TMEM132B: variants seen among roughly 807,000 people sequenced by gnomAD.
The protein encoded by TMEM132B is transmembrane protein 132B.
In TMEM132B, 18 loss-of-function variants were observed where a neutral mutation model predicts 90.8. That is an observed-to-expected ratio of 0.20 (90% CI 0.14 to 0.29). The LOEUF is 0.29. Ranked by LOEUF, TMEM132B falls within the 10% of genes least tolerant of loss-of-function variation. The pLI is 1.00. For missense variants in TMEM132B, 1,096 were observed against 1,326.8 expected (o/e 0.83, Z 2.70); for synonymous variants, 504 against 523.3 (o/e 0.96, Z 0.50).
At chr12:125,502,511 G>A (rs2136602567) in intron 3 of TMEM132B, among the ~76,000 whole-genome samples, 1 of 152,276 alleles carries the variant, frequency 6.6e-6, no homozygotes, top group Non-Finnish European at 1.5e-5. Context: ...GGACTGAAGG[G>A]AGATACAAAA....
At chr12:125,206,012 G>C (rs1873174991) in intron 1 of TMEM132B, among the ~76,000 whole-genome samples, 1 of 152,198 alleles carries the variant, frequency 6.6e-6, no homozygotes, top group Admixed American at 6.5e-5. Flanking sequence ...GTGGGGTGGG[G>C]AAGAAGGAGC....
intron 1 of TMEM132B, among the ~76,000 whole-genome samples, chr12:125,335,457 C>T (rs1175152017): frequency 6.6e-6 from 1 of 152,152 alleles, no homozygotes; most frequent in Non-Finnish European, 1.5e-5. Context: ...ACAGGCATCC[C>T]CCTGGCCACA....
intron 3 of TMEM132B, among the ~76,000 whole-genome samples, chr12:125,511,220 C>T (rs1031724664): frequency 4.6e-5 from 7 of 152,200 alleles, no homozygotes; most frequent in African/African-American, 1.2e-4. Flanking sequence ...TGTATTGCAG[C>T]ATTTCTCAGT....
At chr12:125,470,019 AT>A (rs10713451) in intron 3 of TMEM132B, among the ~76,000 whole-genome samples, 12,517 of 152,238 alleles carry the variant, frequency 0.082, 1,196 homozygotes, top group African/African-American at 0.23. Context: ...TCCAGTGACC[AT>A]TTTTGAAAGG....
chr12:125,594,808 G>C (rs1305461760), intron 5 of TMEM132B, among the ~76,000 whole-genome samples: 1 of 151,912 alleles, frequency 6.6e-6, no homozygotes, highest in Non-Finnish European at 1.5e-5. Flanking sequence ...CGTTATATTT[G>C]AAAATATGTT....
chr12:125,597,836 A>G (rs1885477774), intron 5 of TMEM132B, among the ~76,000 whole-genome samples: 1 of 152,134 alleles, frequency 6.6e-6, no homozygotes, highest in Non-Finnish European at 1.5e-5. Flanking sequence ...AAGTTTAGAG[A>G]GTTAGGTGTC....
At chr12:125,545,610 T>G (rs1884070550) in intron 4 of TMEM132B, among the ~76,000 whole-genome samples, 1 of 152,238 alleles carries the variant, frequency 6.6e-6, no homozygotes, top group African/African-American at 2.4e-5. Flanking sequence ...TGTGTCACTG[T>G]GTACAGTGTG....
At chr12:125,577,537 G>T (rs1434399482) in intron 4 of TMEM132B, among the ~76,000 whole-genome samples, 1 of 149,188 alleles carries the variant, frequency 6.7e-6, no homozygotes, top group Non-Finnish European at 1.5e-5. Context: ...TTATTTAATA[G>T]TAAATACCAA....
rs187215822 is a variant in TMEM132B at position 125,573,326 on chromosome 12, T to G, written c.1294-10525T>G. On this transcript the variant is annotated intron_variant, in intron 4 of 8. Coordinates refer to ENST00000682704, the MANE Select transcript of TMEM132B (RefSeq NM_001366854.1). ...GGTACTTCCCATCCCAGTTCATGAT[T>G]GCAGAGTTCACTCTAACTCCTTCTC... is the stretch of plus-strand genomic sequence containing the variant. Among the ~76,000 whole-genome samples, 483 of 152,320 alleles carry G rather than the reference T, an allele frequency of 3.2e-3. 2 individuals carry two copies. The highest frequency in any genetic ancestry group is 0.011 in the African/African-American group (447 of 41,568).
At chr12:125,278,678 C>T (rs1875073943) in intron 1 of TMEM132B, among the ~76,000 whole-genome samples, 1 of 151,950 alleles carries the variant, frequency 6.6e-6, no homozygotes, top group South Asian at 2.1e-4. Flanking sequence ...GCAAACTATG[C>T]CATTATTTTT....
intron 3 of TMEM132B, among the ~76,000 whole-genome samples, chr12:125,517,326 GATTTTTTTTTTTTTTTTTT>G (rs754072037): frequency 0.056 from 4,903 of 87,994 alleles, 606 homozygotes; most frequent in South Asian, 0.18. Context: ...ATGCCCTGCT[GATTTTTTTTTTTTTTTTTT>G]TTTTTTTTTT....
At chr12:125,244,154 G>A (rs1006962028) in intron 1 of TMEM132B, among the ~76,000 whole-genome samples, 4 of 152,132 alleles carry the variant, frequency 2.6e-5, no homozygotes, top group Admixed American at 6.5e-5. Flanking sequence ...TTGTGTATTC[G>A]TCGGTTGATA....
At chr12:125,548,453 T>C (rs1884142332) in intron 4 of TMEM132B, among the ~76,000 whole-genome samples, 1 of 152,190 alleles carries the variant, frequency 6.6e-6, no homozygotes, top group Non-Finnish European at 1.5e-5. Context: ...CATTAATAGA[T>C]TGTGACTCAC....
At chr12:125,507,354 C>A (rs1016954198) in intron 3 of TMEM132B, among the ~76,000 whole-genome samples, 1 of 152,120 alleles carries the variant, frequency 6.6e-6, no homozygotes, top group South Asian at 2.1e-4. Flanking sequence ...ACTGGGCTTA[C>A]AATCTAGTGG....
chr12:125,233,254 G>T (rs1193592726), intron 1 of TMEM132B, among the ~76,000 whole-genome samples: 1 of 152,172 alleles, frequency 6.6e-6, no homozygotes, highest in African/African-American at 2.4e-5. Context: ...ATACAGGATA[G>T]AAGTTAATTT....
At chr12:125,393,256 G>T (rs1317491233) in intron 2 of TMEM132B, among the ~76,000 whole-genome samples, 1 of 152,046 alleles carries the variant, frequency 6.6e-6, no homozygotes, top group African/African-American at 2.4e-5. Context: ...GCATTGAGTG[G>T]GTACAAAGCA....
chr12:125,329,336 C>T (rs1026090), intron 1 of TMEM132B, among the ~76,000 whole-genome samples: 47,286 of 152,046 alleles, frequency 0.31, 7,590 homozygotes, highest in East Asian at 0.48. Flanking sequence ...TTACAGCTGG[C>T]CAAGCTGACT....
chr12:125,247,815 C>T lies in TMEM132B; in HGVS notation c.67+60949C>T, dbSNP rs1204996829. Among the ~76,000 whole-genome samples the T allele has an allele frequency of 7.2e-5, 11 of 152,226 alleles. 1 individual carries two copies. Among genetic ancestry groups the T allele is most frequent in the Admixed American group, 6.5e-4 (10 of 15,288 alleles). ...AACTTTTACTGGGACAGTGTGGGAACGTGCCGCCCCCACCTCCAGATGGCA... is the reference window on the plus strand; with the variant it reads ...AACTTTTACTGGGACAGTGTGGGAATGTGCCGCCCCCACCTCCAGATGGCA... On this transcript the variant is annotated intron_variant, in intron 1 of 8. Transcript: ENST00000682704.
chr12:125,376,168 C>T (rs1878474015), intron 2 of TMEM132B, among the ~76,000 whole-genome samples: 1 of 152,230 alleles, frequency 6.6e-6, no homozygotes, highest in Non-Finnish European at 1.5e-5. Context: ...GCCCACATCC[C>T]AGGCTGGGAG....
Sources: gnomAD v4.1 joint callset for allele counts (sites outside exome capture counted in the v4.1 genomes callset) on GRCh38, gnomAD v4.1.1 for gene constraint, MANE v1.5 for transcripts, NCBI Gene and HGNC (gene_info 2026-07-23, HGNC 2026-07-21) for gene names.